Variants in TBC1D4 observed in about 807,000 individuals in gnomAD.
TBC1D4 encodes TBC1 domain family member 4.
TBC1D4 carries 121 observed loss-of-function variants against 142.5 expected under a neutral mutation model. The ratio of observed to expected loss-of-function variants is 0.85; its 90% confidence interval spans 0.73 to 0.99. The LOEUF (loss-of-function observed/expected upper bound fraction) is 0.99, where lower values mean the gene tolerates loss of function less well. TBC1D4 is among the 50% of genes least tolerant of loss of function. The pLI, the probability that TBC1D4 is intolerant of heterozygous loss-of-function variation, is 0.00. For synonymous variants in TBC1D4, 630 were observed against 628.2 expected (o/e 1.00, Z -0.04); for missense variants, 1,475 against 1,606.6 (o/e 0.92, Z 1.40).
At chr13:75,386,297 C>T (rs1159472801) in intron 1 of TBC1D4, among the ~76,000 whole-genome samples, 1 of 152,126 alleles carries the variant, frequency 6.6e-6, no homozygotes, top group Non-Finnish European at 1.5e-5. Flanking sequence ...ATAAATTATA[C>T]ACTTTTTACC....
chr13:75,437,612 T>A (rs80198747), intron 1 of TBC1D4, among the ~76,000 whole-genome samples: 4 of 149,220 alleles, frequency 2.7e-5, no homozygotes, highest in Non-Finnish European at 5.9e-5. Flanking sequence ...TTTTTTTTTT[T>A]AGAGAATGGA....
chr13:75,306,432 T>C lies in TBC1D4; in HGVS notation c.2633A>G (p.Asp878Gly), dbSNP rs1261355128. The change falls in exon 15 of 21, where the codon GAC becomes GGC. Residue 878 changes from aspartate (D) to glycine (G), a missense_variant. Physicochemically the swap from Asp to Gly is moderately conservative, Grantham distance 94. Coordinates refer to ENST00000377636, the MANE Select transcript of TBC1D4 (RefSeq NM_014832.5). ...CTGACATGCACCAACTTCTTCATAG[T>C]CTAATTTAACTTTTCTGGACTGGAG... ...DELQSRKVKL[D>G]YEEVGACQKE... 1.2e-6 allele frequency: 2 copies of C among 1,613,476 alleles called. No individual in the cohort carries two copies. Among genetic ancestry groups the C allele is most frequent in the Non-Finnish European group, 1.7e-6 (2 of 1,179,878 alleles).
In TBC1D4 at chr13:75,429,254, T is replaced by C. The variant is rs150706206; in HGVS notation, c.498+52016A>G. Among the ~76,000 whole-genome samples, 258 of 152,338 alleles carry C rather than the reference T, an allele frequency of 1.7e-3. 2 individuals are homozygous for C. Among genetic ancestry groups the C allele is most frequent in the African/African-American group, 6.0e-3 (249 of 41,588 alleles). On this transcript the variant is annotated intron_variant, in intron 1 of 20. Transcript: ENST00000377636. ...CCCTAATCTAAAAAATAAGTCAATA[T>C]GGAAATCAACAACCTATGGAAGGCA... is the stretch of plus-strand genomic sequence containing the variant.
At chr13:75,413,986 A>G (rs79954378) in intron 1 of TBC1D4, among the ~76,000 whole-genome samples, 7,572 of 152,180 alleles carry the variant, frequency 0.05, 203 homozygotes, top group Middle Eastern at 0.075. Flanking sequence ...GAAAAAAACA[A>G]TTGTCTCTTC....
intron 1 of TBC1D4, among the ~76,000 whole-genome samples, chr13:75,456,607 A>C (rs1290725841): frequency 6.6e-6 from 1 of 152,022 alleles, no homozygotes; most frequent in Non-Finnish European, 1.5e-5. Context: ...ATACAAATAC[A>C]TTCCCTACAA....
At chr13:75,355,056 G>A (rs1389459889) in intron 4 of TBC1D4, among the ~76,000 whole-genome samples, 2 of 152,188 alleles carry the variant, frequency 1.3e-5, no homozygotes, top group African/African-American at 4.8e-5. Context: ...GCCAGAGGCT[G>A]CTGGTCACAA....
At chr13:75,359,928 TTAAACTAA>T in intron 2 of TBC1D4, 70 bp from the exon 3 acceptor site, 1 of 1,207,194 alleles carries the variant, frequency 8.3e-7, no homozygotes, top group Non-Finnish European at 1.2e-6. Flanking sequence ...TAACCAAATA[TTAAACTAA>T]TAATATAGAT....
At chr13:75,344,160 T>G (rs558694697) in intron 5 of TBC1D4, among the ~76,000 whole-genome samples, 2 of 152,180 alleles carry the variant, frequency 1.3e-5, no homozygotes, top group Non-Finnish European at 2.9e-5. Context: ...CTATCACAAT[T>G]TATTATTTGC....
At chr13:75,312,469 T>A (rs1288254508) in intron 13 of TBC1D4, among the ~76,000 whole-genome samples, 1 of 147,988 alleles carries the variant, frequency 6.8e-6, no homozygotes, top group East Asian at 2.0e-4. Context: ...TACAGCTTCT[T>A]TCCTAGCACT....
At chr13:75,430,360 T>C (rs547487024) in intron 1 of TBC1D4, among the ~76,000 whole-genome samples, 1 of 152,316 alleles carries the variant, frequency 6.6e-6, no homozygotes, top group East Asian at 1.9e-4. Context: ...TCTTTAAAAA[T>C]TAAACAAATG....
chr13:75,322,448 G>A (rs374722595), intron 11 of TBC1D4, among the ~76,000 whole-genome samples: 1 of 152,260 alleles, frequency 6.6e-6, no homozygotes, highest in East Asian at 1.9e-4. Flanking sequence ...ATTAGAATGA[G>A]GTATAGAGGG....
intron 1 of TBC1D4, among the ~76,000 whole-genome samples, chr13:75,456,246 A>G (rs548857342): frequency 6.6e-6 from 1 of 152,354 alleles, no homozygotes; most frequent in South Asian, 2.1e-4. Context: ...AAACCTGAGC[A>G]TCCAAAGACC....
intron 8 of TBC1D4, 140 bp downstream of exon 8, chr13:75,336,781 A>G: frequency 9.1e-7 from 1 of 1,100,748 alleles, no homozygotes. Flanking sequence ...TCCTTTTGTT[A>G]AATAATTTTT....
At chr13:75,359,302 C>G (rs973385376) in intron 3 of TBC1D4, among the ~76,000 whole-genome samples, 2 of 152,064 alleles carry the variant, frequency 1.3e-5, no homozygotes, top group African/African-American at 4.8e-5. Context: ...AATAAAAGAA[C>G]AAAAATACAA....
chr13:75,423,926 C>T (rs771388844), intron 1 of TBC1D4, among the ~76,000 whole-genome samples: 4 of 152,176 alleles, frequency 2.6e-5, no homozygotes, highest in Non-Finnish European at 5.9e-5. Flanking sequence ...CTTCACACTA[C>T]TAAACTGTAC....
At chr13:75,443,525 C>T (rs1887140631) in intron 1 of TBC1D4, among the ~76,000 whole-genome samples, 1 of 152,190 alleles carries the variant, frequency 6.6e-6, no homozygotes, top group Non-Finnish European at 1.5e-5. Flanking sequence ...ACCTATCAAA[C>T]ACTGCCTTCC....
At chr13:75,384,624 G>A (rs1017244736) in intron 1 of TBC1D4, among the ~76,000 whole-genome samples, 13 of 147,946 alleles carry the variant, frequency 8.8e-5, no homozygotes, top group African/African-American at 3.2e-4. Context: ...AGGAATATGA[G>A]CCCAAAGATT....
chr13:75,464,087 A>T (rs1461218420), intron 1 of TBC1D4, among the ~76,000 whole-genome samples: 1 of 152,228 alleles, frequency 6.6e-6, no homozygotes, highest in Non-Finnish European at 1.5e-5. Flanking sequence ...TGTTAACTTC[A>T]TCATCTTTCT....
Position 75,294,963 on chromosome 13 carries a change from G to C in TBC1D4, c.3207C>G (p.Leu1069=). The C allele has an allele frequency of 6.2e-7, 1 of 1,613,974 alleles. No individual in the cohort carries two copies. Among genetic ancestry groups the C allele is most frequent in the Non-Finnish European group, 8.5e-7 (1 of 1,179,890 alleles). The change falls in exon 18 of 21, where the codon CTC becomes CTG. Residue 1069 remains leucine, a synonymous_variant. Transcript: ENST00000377636. ...SRLLHDYHRD[L]YNHLEENEIS... ...TTTCATTTTCTTCAAGGTGATTGTA[G>C]AGATCTCTGTGATAGTCATGAAGGA... is the stretch of plus-strand genomic sequence containing the variant.
Sources: allele counts gnomAD v4.1 joint callset (sites outside exome capture counted in the v4.1 genomes callset), GRCh38; gene constraint gnomAD v4.1.1; transcripts MANE v1.5; gene names NCBI Gene and HGNC (gene_info 2026-07-23, HGNC 2026-07-21).